PKHD1: variants seen among roughly 807,000 people sequenced by gnomAD.
PKHD1 encodes the protein PKHD1 ciliary IPT domain containing fibrocystin/polyductin.
In PKHD1, 291 loss-of-function variants were observed where a neutral mutation model predicts 412.0. The observed-to-expected ratio is 0.71, with a 90% confidence interval of 0.64 to 0.78. The LOEUF is 0.78. Among genes scored for constraint, PKHD1 ranks in the 30% least tolerant of loss-of-function variants. The pLI, the probability that PKHD1 is intolerant of heterozygous loss-of-function variation, is 0.00. For synonymous variants in PKHD1, 1,777 were observed against 1,821.5 expected (o/e 0.98, Z 0.62); for missense variants, 4,825 against 4,950.7 (o/e 0.97, Z 0.76).
intron 47 of PKHD1, among the ~76,000 whole-genome samples, chr6:51,868,892 G>A (rs1775511104): frequency 6.6e-6 from 1 of 151,932 alleles, no homozygotes; most frequent in Non-Finnish European, 1.5e-5. Context: ...TTGCCTAAAA[G>A]GAAAGTATGG....
chr6:51,659,441 T>A lies in PKHD1; in HGVS notation c.10685A>T (p.His3562Leu), dbSNP rs919592546. The A allele has an allele frequency of 2.5e-6, 4 of 1,613,594 alleles. No homozygotes were observed. The highest frequency in any genetic ancestry group is 3.4e-6 in the Non-Finnish European group (4 of 1,179,872). ...PIEIRSGVSI[H>L]LALTVMVSVL... The stretch of plus-strand genomic sequence containing the variant: ...TGAAACCATCACAGTGAGGGCCAAG[T>A]GAATGGAAACACCTGAGCGTATTTC... The change falls in exon 61 of 67, where the codon CAC becomes CTC. Residue 3562 changes from histidine to leucine, a missense_variant. Physicochemically the swap from His to Leu is moderately conservative, Grantham distance 99. Transcript: ENST00000371117.
At chr6:51,694,547 C>CATTTTTTTTTTTT (rs1562116019) in intron 60 of PKHD1, among the ~76,000 whole-genome samples, 1 of 55,466 alleles carries the variant, frequency 1.8e-5, no homozygotes, top group African/African-American at 6.5e-5. Flanking sequence ...CCACAACCAG[C>CATTTTTTTTTTTT]CTTTTTTTTT....
chr6:52,022,717 A>G, intron 33 of PKHD1, 84 bp downstream of exon 33: 5 of 1,388,736 alleles, frequency 3.6e-6, no homozygotes, highest in Non-Finnish European at 5.1e-6. Context: ...TCAGTACAGC[A>G]TTAATCACAA....
chr6:52,017,685 G>C lies in PKHD1; in HGVS notation c.5381-56C>G. ...CCACAGAGAGAACCTAAGGCCTCTA[G>C]TCGGTTTCACAAATGAAGTTCCTGT... On this transcript the variant is annotated intron_variant, in intron 33 of 66. Coordinates refer to ENST00000371117, the MANE Select transcript of PKHD1 (RefSeq NM_138694.4). 4.4e-6 allele frequency: 6 copies of C among 1,348,358 alleles called. No homozygotes were observed. In the South Asian group the frequency reaches 7.0e-5, roughly 16 times the overall value. 83.5% of individuals were successfully genotyped at this position (1,348,358 alleles called of 1,614,324 possible). A position where few individuals can be genotyped will look rare whatever the true frequency, so the allele number is the denominator to read the frequency against.
At chr6:51,816,283 A>G (rs1291127819) in intron 52 of PKHD1, among the ~76,000 whole-genome samples, 3 of 152,170 alleles carry the variant, frequency 2.0e-5, no homozygotes, top group Non-Finnish European at 4.4e-5. Flanking sequence ...CATCATTCAA[A>G]CCTATGTTGG....
intron 55 of PKHD1, among the ~76,000 whole-genome samples, chr6:51,767,730 G>C (rs902916312): frequency 1.3e-5 from 2 of 152,194 alleles, no homozygotes; most frequent in African/African-American, 2.4e-5. Flanking sequence ...TGGACATTTA[G>C]GTTGGTTCCA....
intron 14 of PKHD1, among the ~76,000 whole-genome samples, chr6:52,060,771 A>C (rs1185089395): frequency 1.3e-5 from 2 of 152,184 alleles, no homozygotes; most frequent in Non-Finnish European, 2.9e-5. Flanking sequence ...TTTAATGTAC[A>C]TACATTATCT....
At chr6:51,926,600 C>T (rs1785666936) in intron 37 of PKHD1, among the ~76,000 whole-genome samples, 1 of 152,040 alleles carries the variant, frequency 6.6e-6, no homozygotes, top group African/African-American at 2.4e-5. Context: ...CATGCAAACA[C>T]CTGAAATTAA....
intron 63 of PKHD1, among the ~76,000 whole-genome samples, chr6:51,642,637 C>T (rs112002951): frequency 2.0e-4 from 30 of 152,060 alleles, no homozygotes; most frequent in Admixed American, 5.9e-4. Flanking sequence ...GTCAGGATTT[C>T]GAGACCAGCT....
At chr6:51,910,578 C>A (rs754825911) in intron 39 of PKHD1, among the ~76,000 whole-genome samples, 1 of 152,062 alleles carries the variant, frequency 6.6e-6, no homozygotes, top group Non-Finnish European at 1.5e-5. Context: ...ATTTGTGATG[C>A]AATCAAGGAT....
At position 51,864,755 on chromosome 6, in the gene PKHD1, G is replaced by C. The variant is rs562698081; in HGVS notation, c.7733+3108C>G. Among the ~76,000 whole-genome samples the C allele has an allele frequency of 1.2e-4, 19 of 152,078 alleles. No individual in the cohort carries two copies. The East Asian group carries it at 2.3e-3, about 19-fold the overall frequency. On this transcript the variant is annotated intron_variant, in intron 48 of 66. Coordinates refer to ENST00000371117, the MANE Select transcript of PKHD1 (RefSeq NM_138694.4). Reference sequence around the variant, plus strand: ...TCTATCCAAAATATTATTTCAACATGATCAATATAAACAAATTATTGAGAT... The same window carrying C: ...TCTATCCAAAATATTATTTCAACATCATCAATATAAACAAATTATTGAGAT...
Position 51,847,910 on chromosome 6 carries a change from A to C in PKHD1, c.7972T>G (p.Leu2658Val). The change falls in exon 50 of 67, where the codon TTG (leucine) becomes GTG (valine). Residue 2658 changes from leucine (L) to valine (V), a missense_variant. Physicochemically the swap from Leu to Val is conservative, Grantham distance 32. Transcript: ENST00000371117. ...AGGAGGATGTCAGGGTAAGGCGGCA[A>C]ATCTGTGTGCACCAGCAGTAGGTAA... ...GNYLLLVHTD[L>V]PPYPDILLRC... 2 of 1,614,026 alleles carry C rather than the reference A, an allele frequency of 1.2e-6. No homozygotes were observed. The highest frequency in any genetic ancestry group is 1.7e-6 in the Non-Finnish European group (2 of 1,179,916).
chr6:51,763,724 C>G (rs1008886750), intron 55 of PKHD1, among the ~76,000 whole-genome samples: 1 of 152,010 alleles, frequency 6.6e-6, no homozygotes, highest in Non-Finnish European at 1.5e-5. Flanking sequence ...TATCTCCTGC[C>G]TTTAAATCTG....
chr6:52,050,873 T>C (rs1342377201), intron 21 of PKHD1, among the ~76,000 whole-genome samples: 2 of 152,222 alleles, frequency 1.3e-5, no homozygotes, highest in African/African-American at 2.4e-5. Flanking sequence ...AGTTTTCTTA[T>C]GTGTAAAGCG....
chr6:51,999,364 TG>T (rs200224044), intron 35 of PKHD1, among the ~76,000 whole-genome samples: 1,611 of 152,230 alleles, frequency 0.011, 33 homozygotes, highest in African/African-American at 0.036. Context: ...TTTTTGTTTT[TG>T]TTTTTTTTCT....
At chr6:51,965,062 T>G (rs1053499044) in intron 35 of PKHD1, among the ~76,000 whole-genome samples, 2 of 152,162 alleles carry the variant, frequency 1.3e-5, no homozygotes, top group African/African-American at 4.8e-5. Flanking sequence ...TTTTAACAGT[T>G]GAATTATAAT....
At chr6:52,071,924 C>T (rs540151259) in intron 8 of PKHD1, among the ~76,000 whole-genome samples, 191 bp downstream of exon 8, 11 of 152,180 alleles carry the variant, frequency 7.2e-5, no homozygotes, top group South Asian at 2.1e-4. Flanking sequence ...CACTTCAATA[C>T]GCACTTTGAA....
At position 52,017,542 on chromosome 6, in the gene PKHD1, A is replaced by G; in HGVS notation, c.5468T>C (p.Val1823Ala). 6.2e-7 allele frequency: 1 copy of G among 1,614,148 alleles called. No homozygotes were observed. Among genetic ancestry groups the G allele is most frequent in the Non-Finnish European group, 8.5e-7 (1 of 1,179,954 alleles). ...AAGCAGTTGCTCTGTCGCCATGGCA[A>G]CTGTCAAATCACACTGCACATAGGT... ...RHTYVQCDLTVAMATEQLLES... is the reference protein window; with the variant it reads ...RHTYVQCDLTAAMATEQLLES... The change falls in exon 34 of 67, where the codon GTT becomes GCT. Residue 1823 changes from valine (V) to alanine (A), a missense_variant. Coordinates refer to ENST00000371117, the MANE Select transcript of PKHD1 (RefSeq NM_138694.4).
At chr6:51,653,375 G>T (rs535858685) in intron 61 of PKHD1, among the ~76,000 whole-genome samples, 41 of 152,110 alleles carry the variant, frequency 2.7e-4, no homozygotes, top group African/African-American at 8.9e-4. Context: ...CTGGCACTGT[G>T]GTCTAGTAGT....
Sources: allele counts gnomAD v4.1 joint callset (sites outside exome capture counted in the v4.1 genomes callset), GRCh38; gene constraint gnomAD v4.1.1; transcripts MANE v1.5; gene names NCBI Gene and HGNC (gene_info 2026-07-23, HGNC 2026-07-21).